The following CGNL1 variants were observed in gnomAD, a reference collection of about 807,000 sequenced individuals.
CGNL1 encodes the protein cingulin like 1, also known as cingulin-like protein 1.
In CGNL1, 132 loss-of-function variants were observed where a neutral mutation model predicts 141.2. The observed-to-expected ratio is 0.93, with a 90% CI of 0.81 to 1.08. The LOEUF is 1.08. Among genes scored for constraint, CGNL1 ranks in the 50% least tolerant of loss-of-function variants. The probability of loss-of-function intolerance (pLI) is 0.00; values close to 1 mark genes in which losing one functional copy is unlikely to be tolerated. For synonymous variants in CGNL1, 690 were observed against 622.1 expected, an observed-to-expected ratio of 1.11 and a Z score of -1.63; for missense variants, 1,870 against 1,588.6, an observed-to-expected ratio of 1.18 and a Z score of -3.01.
chr15:57,412,009 G>A lies in CGNL1; in HGVS notation c.-15-25976G>A, dbSNP rs1369001113. 5.3e-5 allele frequency among the ~76,000 whole-genome samples: 8 copies of A among 152,308 alleles called. No individual in the cohort carries two copies. The South Asian group carries it at 8.3e-4, about 16-fold the overall frequency. On this transcript the variant is annotated intron_variant, in intron 1 of 18. Coordinates refer to ENST00000281282, the MANE Select transcript of CGNL1 (RefSeq NM_032866.5). ...ATCTAGCATTCAAAGCCCCGCTAAC[G>A]TTCAGAGCTTCTTGTTGTGTGACAT...
At chr15:57,518,115 G>C (rs551858535) in intron 9 of CGNL1, among the ~76,000 whole-genome samples, 5 of 151,956 alleles carry the variant, frequency 3.3e-5, no homozygotes, top group Admixed American at 1.3e-4. Context: ...TGACCAGCCA[G>C]AGCAATATAG....
At chr15:57,409,048 C>CACACACACACAT (rs2062756306) in intron 1 of CGNL1, among the ~76,000 whole-genome samples, 1 of 151,246 alleles carries the variant, frequency 6.6e-6, no homozygotes. Context: ...CACACACACA[C>CACACACACACAT]ACACACACAC....
chr15:57,544,769 C>T (rs2032765459), intron 16 of CGNL1, among the ~76,000 whole-genome samples, 172 bp downstream of exon 16: 1 of 152,174 alleles, frequency 6.6e-6, no homozygotes, highest in Non-Finnish European at 1.5e-5. Flanking sequence ...AAACAGAGAC[C>T]CATCAAAATA....
chr15:57,451,031 GT>G (rs2063316194), intron 4 of CGNL1, among the ~76,000 whole-genome samples: 1 of 151,824 alleles, frequency 6.6e-6, no homozygotes, highest in Non-Finnish European at 1.5e-5. Context: ...AAAAATGACT[GT>G]CTTTACTTAC....
At chr15:57,458,752 G>C (rs1230969526) in intron 7 of CGNL1, among the ~76,000 whole-genome samples, 1 of 152,176 alleles carries the variant, frequency 6.6e-6, no homozygotes, top group Non-Finnish European at 1.5e-5. Flanking sequence ...AAGGGGCTGG[G>C]CAGCGGCAGC....
At chr15:57,518,601 A>G (rs2031017289) in intron 10 of CGNL1, 104 bp downstream of exon 10, 18 of 763,404 alleles carry the variant, frequency 2.4e-5, no homozygotes, top group Middle Eastern at 5.1e-4. Flanking sequence ...CTTTCCATGT[A>G]GCTCCCTTTC....
chr15:57,497,712 A>C (rs1180238079), intron 8 of CGNL1, among the ~76,000 whole-genome samples: 2 of 152,216 alleles, frequency 1.3e-5, no homozygotes, highest in Non-Finnish European at 2.9e-5. Flanking sequence ...GGCCCTGCGG[A>C]ATCTGGAAAT....
intron 8 of CGNL1, among the ~76,000 whole-genome samples, chr15:57,469,049 G>A (rs1293219569): frequency 6.6e-6 from 1 of 152,104 alleles, no homozygotes; most frequent in African/African-American, 2.4e-5. Context: ...GTCTTTATCA[G>A]CAGTGTGAAA....
At chr15:57,517,648 G>A (rs1039268745) in intron 9 of CGNL1, among the ~76,000 whole-genome samples, 3 of 152,184 alleles carry the variant, frequency 2.0e-5, no homozygotes, top group Non-Finnish European at 2.9e-5. Context: ...CTTCTGTGTT[G>A]AAGTGTGAAT....
At chr15:57,491,276 A>G (rs934090723) in intron 8 of CGNL1, among the ~76,000 whole-genome samples, 4 of 152,176 alleles carry the variant, frequency 2.6e-5, no homozygotes, top group Non-Finnish European at 4.4e-5. Flanking sequence ...AAGCTTTTCT[A>G]TAGATAATTT....
At chr15:57,457,070 C>CA (rs137862527) in intron 7 of CGNL1, among the ~76,000 whole-genome samples, 4,534 of 152,020 alleles carry the variant, frequency 0.03, 208 homozygotes, top group African/African-American at 0.1. Flanking sequence ...CATCCTGGAA[C>CA]AAAAAAATGA....
intron 16 of CGNL1, among the ~76,000 whole-genome samples, chr15:57,544,874 T>A (rs756891597): frequency 1.3e-5 from 2 of 152,228 alleles, no homozygotes. Flanking sequence ...CCACTGTACT[T>A]GCTGTCCCTT....
intron 1 of CGNL1, among the ~76,000 whole-genome samples, chr15:57,416,605 A>C (rs2062852228): frequency 6.6e-6 from 1 of 152,190 alleles, no homozygotes; most frequent in Non-Finnish European, 1.5e-5. Context: ...CCAGATTGGC[A>C]TGCTGCTCTC....
intron 1 of CGNL1, among the ~76,000 whole-genome samples, chr15:57,385,702 A>G (rs1284919858): frequency 6.6e-6 from 1 of 152,184 alleles, no homozygotes; most frequent in Non-Finnish European, 1.5e-5. Flanking sequence ...TATCTCTTTG[A>G]CATAGTACAG....
At chr15:57,415,000 T>A (rs2062832790) in intron 1 of CGNL1, among the ~76,000 whole-genome samples, 1 of 152,112 alleles carries the variant, frequency 6.6e-6, no homozygotes, top group Non-Finnish European at 1.5e-5. Context: ...CAATGAAGAA[T>A]CTTCTGGGGC....
At chr15:57,512,950 T>C (rs201479536) in intron 8 of CGNL1, among the ~76,000 whole-genome samples, 1 of 102,780 alleles carries the variant, frequency 9.7e-6, no homozygotes, top group East Asian at 6.6e-4. Context: ...TTGTTTACCC[T>C]TTTTTTTTTT....
chr15:57,404,896 C>G (rs1371105441), intron 1 of CGNL1, among the ~76,000 whole-genome samples: 2 of 152,142 alleles, frequency 1.3e-5, no homozygotes, highest in African/African-American at 4.8e-5. Context: ...CCTGAAGTTC[C>G]AACTATGCTA....
At chr15:57,444,886 T>A (rs1471638198) in intron 4 of CGNL1, among the ~76,000 whole-genome samples, 1 of 152,214 alleles carries the variant, frequency 6.6e-6, no homozygotes. Flanking sequence ...TAAACAGATG[T>A]GAATACCATT....
At chr15:57,522,851 T>G (rs2031358844) in intron 10 of CGNL1, among the ~76,000 whole-genome samples, 1 of 152,170 alleles carries the variant, frequency 6.6e-6, no homozygotes, top group Non-Finnish European at 1.5e-5. Flanking sequence ...GGCTAGTATT[T>G]TATCTGAGTA....
Sources: allele counts gnomAD v4.1 joint callset (sites outside exome capture counted in the v4.1 genomes callset), GRCh38; gene constraint gnomAD v4.1.1; transcripts MANE v1.5; gene names NCBI Gene and HGNC (gene_info 2026-07-23, HGNC 2026-07-21).